Variants in RRAS2 observed in about 807,000 individuals in gnomAD.
The protein encoded by RRAS2 is RAS related 2.
Under a neutral mutation model 27.6 loss-of-function variants are expected in RRAS2, and 7 were observed. That is an observed-to-expected ratio of 0.25 (90% CI 0.14 to 0.48). The LOEUF is 0.48. Ranked by LOEUF, RRAS2 falls within the 20% of genes least tolerant of loss-of-function variation. RRAS2 has a pLI of 0.99. For synonymous variants in RRAS2, 86 were observed against 90.9 expected, an observed-to-expected ratio of 0.95 and a Z score of 0.31; for missense variants, 178 against 256.2, an observed-to-expected ratio of 0.69 and a Z score of 2.08.
chr11:14,291,641 G>A (rs971104108), intron 4 of RRAS2, among the ~76,000 whole-genome samples: 24 of 151,428 alleles, frequency 1.6e-4, no homozygotes, highest in Non-Finnish European at 1.5e-4. Context: ...TTCCTATATT[G>A]TTCTCTCACT....
intron 1 of RRAS2, chr11:14,308,196 A>ATTAACTTTACCTGTGGGT (rs1847876799): frequency 2.5e-6 from 1 of 397,808 alleles, no homozygotes; most frequent in Admixed American, 3.4e-5. Context: ...CAAGAAACTG[A>ATTAACTTTACCTGTGGGT]TTAACTTTAC....
intron 1 of RRAS2, among the ~76,000 whole-genome samples, chr11:14,316,134 G>A (rs981787197): frequency 1.2e-4 from 19 of 152,140 alleles, no homozygotes; most frequent in African/African-American, 3.9e-4. Context: ...AAAATTTTAC[G>A]TCTCTGAACA....
chr11:14,316,081 AC>A (rs2133989823), intron 1 of RRAS2, among the ~76,000 whole-genome samples: 1 of 152,296 alleles, frequency 6.6e-6, no homozygotes, highest in African/African-American at 2.4e-5. Context: ...CAGATCAGAA[AC>A]CCATAACAGG....
At position 14,319,412 on chromosome 11, in the gene RRAS2, G is replaced by A. The variant is rs566338206; in HGVS notation, c.109-23557C>T. ...TGTCGCCCAGGCCGGACTGCGGACT[G>A]CAGTGGCGCAATCTCGGCTCAGTGC... On this transcript the variant is annotated intron_variant, in intron 1 of 5. Coordinates refer to ENST00000256196, the MANE Select transcript of RRAS2 (RefSeq NM_012250.6). Among the ~76,000 whole-genome samples the A allele has an allele frequency of 4.8e-4, 60 of 126,106 alleles. No homozygotes were observed. The South Asian group carries it at 9.3e-3, about 20-fold the overall frequency. 82.7% of individuals were successfully genotyped at this position (126,106 alleles called of 152,430 possible). A position where few individuals can be genotyped will look rare whatever the true frequency, so the allele number is the denominator to read the frequency against.
rs113551566 is a variant in RRAS2, at chr11:14,307,399, T to A, written c.109-11544A>T. Among the ~76,000 whole-genome samples, 490 of 152,202 alleles carry A rather than the reference T, an allele frequency of 3.2e-3. 4 individuals are homozygous for A. Among genetic ancestry groups the A allele is most frequent in the African/African-American group, 0.011 (467 of 41,548 alleles). On this transcript the variant is annotated intron_variant, in intron 1 of 5. Transcript: ENST00000256196. ...AGACAACCGTATTGGTAAGGCTAGT[T>A]TTTGAGACAGAATATCTCATTTTGT...
intron 1 of RRAS2, among the ~76,000 whole-genome samples, chr11:14,338,115 G>A (rs1018134273): frequency 5.3e-5 from 8 of 152,076 alleles, no homozygotes; most frequent in Non-Finnish European, 8.8e-5. Context: ...GGACATAAAG[G>A]TTTCCATACT....
chr11:14,357,470 G>C (rs1259572087), intron 1 of RRAS2, among the ~76,000 whole-genome samples: 2 of 152,126 alleles, frequency 1.3e-5, no homozygotes, highest in African/African-American at 4.8e-5. Flanking sequence ...CTTACTCAGT[G>C]ATTTTTTTAA....
intron 4 of RRAS2, among the ~76,000 whole-genome samples, chr11:14,293,119 AAACAAATATATATATAT>A (rs1305514875): frequency 2.1e-5 from 2 of 97,166 alleles, no homozygotes; most frequent in African/African-American, 7.4e-5. Flanking sequence ...AAACAAAACA[AAACAAATATATATATAT>A]ATATATATAT....
chr11:14,341,666 CA>C (rs1554953278), intron 1 of RRAS2: 1 of 233,110 alleles, frequency 4.3e-6, no homozygotes, highest in Non-Finnish European at 8.9e-6. Context: ...TCTCGTCAAA[CA>C]AGTCATGATA....
intron 1 of RRAS2, among the ~76,000 whole-genome samples, chr11:14,296,751 GT>G (rs1409403379): frequency 6.6e-6 from 1 of 151,476 alleles, no homozygotes; most frequent in African/African-American, 2.4e-5. Context: ...ATCTTTTGTT[GT>G]TTTTTTATCT....
chr11:14,358,263 C>T lies in RRAS2; in HGVS notation c.108+500G>A. On this transcript the variant is annotated intron_variant, in intron 1 of 5. Transcript: ENST00000256196. The surrounding 1 kb of genome is among the most constrained non-coding windows in gnomAD (Gnocchi z 5.1). The stretch of plus-strand genomic sequence containing the variant: ...ACAAAGAAATACACAGTACTTGAAG[C>T]GGGCAGCTCCGGCTCAGGCGGCGCG... 1.0e-6 allele frequency: 1 copy of T among 985,518 alleles called. No individual in the cohort carries two copies. Among genetic ancestry groups the T allele is most frequent in the South Asian group, 4.7e-5 (1 of 21,292 alleles). 61.0% of individuals were successfully genotyped at this position (985,518 alleles called of 1,614,324 possible).
intron 4 of RRAS2, among the ~76,000 whole-genome samples, chr11:14,284,794 A>G (rs2133947356): frequency 6.6e-6 from 1 of 152,290 alleles, no homozygotes; most frequent in Admixed American, 6.5e-5. Context: ...TCTGATATTC[A>G]TATAGCTACT....
chr11:14,340,120 A>C (rs1591483253), intron 1 of RRAS2, among the ~76,000 whole-genome samples: 1 of 135,286 alleles, frequency 7.4e-6, no homozygotes, highest in African/African-American at 2.6e-5. Flanking sequence ...ACAGGGCAAC[A>C]GAGTCTGTCC....
intron 4 of RRAS2, among the ~76,000 whole-genome samples, chr11:14,293,126 TATATATA>T (rs1355441411): frequency 4.3e-4 from 17 of 39,940 alleles, no homozygotes; most frequent in African/African-American, 1.2e-3. Context: ...ACAAAACAAA[TATATATA>T]TATATATATA....
intron 1 of RRAS2, among the ~76,000 whole-genome samples, chr11:14,339,726 A>G (rs1848661070): frequency 6.6e-6 from 1 of 152,222 alleles, no homozygotes; most frequent in African/African-American, 2.4e-5. Context: ...ATTTTTTTAA[A>G]AAGTTAAATA....
chr11:14,280,143 TATAAC>T (rs1396198000), intron 5 of RRAS2, among the ~76,000 whole-genome samples: 2 of 152,140 alleles, frequency 1.3e-5, no homozygotes, highest in African/African-American at 4.8e-5. Flanking sequence ...GTAAAATACA[TATAAC>T]ATAAAATTTT....
At chr11:14,291,529 A>T (rs1326729923) in intron 4 of RRAS2, among the ~76,000 whole-genome samples, 2 of 152,216 alleles carry the variant, frequency 1.3e-5, no homozygotes, top group African/African-American at 4.8e-5. Context: ...AGATATACAT[A>T]ATTTATGTCT....
At chr11:14,281,263 G>A in intron 5 of RRAS2, among the ~76,000 whole-genome samples, 1 of 152,080 alleles carries the variant, frequency 6.6e-6, no homozygotes, top group East Asian at 1.9e-4. Context: ...TTAGTTTATT[G>A]GGCGAGGGTG....
At chr11:14,293,124 A>AATACATATATATATATATATATAT (rs1554946031) in intron 4 of RRAS2, among the ~76,000 whole-genome samples, 1 of 76,822 alleles carries the variant, frequency 1.3e-5, no homozygotes, top group African/African-American at 6.3e-5. Flanking sequence ...AAACAAAACA[A>AATACATATATATATATATATATAT]ATATATATAT....
Sources: allele counts gnomAD v4.1 joint callset (sites outside exome capture counted in the v4.1 genomes callset), GRCh38; gene constraint gnomAD v4.1.1; non-coding constraint Gnocchi (gnomAD v3.1); transcripts MANE v1.5; gene names NCBI Gene and HGNC (gene_info 2026-07-23, HGNC 2026-07-21).